The following THADA variants were observed in gnomAD, a reference collection of about 807,000 sequenced individuals.
THADA encodes the protein tRNA (32-2'-O)-methyltransferase regulator THADA.
A neutral mutation model predicts 219.8 loss-of-function variants in THADA; 213 were observed. That is an observed-to-expected ratio of 0.97 (90% confidence interval 0.87 to 1.09). THADA has a LOEUF of 1.09. Ranked by LOEUF, THADA falls within the 50% of genes least tolerant of loss-of-function variation. The probability of loss-of-function intolerance (pLI) is 0.00; values close to 1 mark genes in which losing one functional copy is unlikely to be tolerated. For missense variants in THADA, 2,956 were observed against 2,311.3 expected, an observed-to-expected ratio of 1.28 and a Z score of -5.72; for synonymous variants, 1,018 against 828.9, an observed-to-expected ratio of 1.23 and a Z score of -3.92.
intron 30 of THADA, chr2:43,343,853 G>A (rs548677472): frequency 5.9e-6 from 2 of 336,874 alleles, no homozygotes; most frequent in Non-Finnish European, 1.1e-5. Context: ...GACTGGGCAC[G>A]CAGCAGGTTT....
chr2:43,416,650 G>A (rs897007158), intron 28 of THADA, among the ~76,000 whole-genome samples: 3 of 152,124 alleles, frequency 2.0e-5, no homozygotes, highest in Non-Finnish European at 2.9e-5. Context: ...AAAAACCCCA[G>A]GGGACACATC....
chr2:43,358,824 A>C (rs1669162624), intron 29 of THADA, among the ~76,000 whole-genome samples: 2 of 152,204 alleles, frequency 1.3e-5, no homozygotes, highest in African/African-American at 4.8e-5. Flanking sequence ...TAGAAAAATA[A>C]AGATGGAATT....
intron 33 of THADA, 27 bp downstream of exon 33, chr2:43,292,077 G>T (rs374782110): frequency 1.3e-6 from 2 of 1,488,940 alleles, no homozygotes; most frequent in South Asian, 1.2e-5. Context: ...TCTTACCAAG[G>T]TTGCACAGGA....
intron 4 of THADA, among the ~76,000 whole-genome samples, chr2:43,587,212 C>T (rs1295312292): frequency 6.6e-6 from 1 of 152,096 alleles, no homozygotes; most frequent in Non-Finnish European, 1.5e-5. Context: ...TCCCATCTCC[C>T]AGATTATTCT....
intron 28 of THADA, among the ~76,000 whole-genome samples, chr2:43,410,657 G>A (rs188224327): frequency 1.1e-3 from 162 of 150,122 alleles, no homozygotes; most frequent in Admixed American, 2.1e-3. Context: ...GTATGAGTCC[G>A]TTTACTTAAA....
chr2:43,428,884 A>C (rs1165470332), intron 27 of THADA, among the ~76,000 whole-genome samples: 1 of 152,218 alleles, frequency 6.6e-6, no homozygotes, highest in Non-Finnish European at 1.5e-5. Context: ...AATGTATTTA[A>C]GAAAGCATGA....
intron 30 of THADA, among the ~76,000 whole-genome samples, chr2:43,327,466 G>A (rs1458930312): frequency 1.5e-5 from 2 of 136,860 alleles, no homozygotes; most frequent in African/African-American, 5.3e-5. Context: ...GGGAGTGGGG[G>A]GAGAAGTAAA....
intron 25 of THADA, among the ~76,000 whole-genome samples, chr2:43,486,946 C>T (rs1686987474): frequency 6.6e-6 from 1 of 152,200 alleles, no homozygotes; most frequent in Non-Finnish European, 1.5e-5. Flanking sequence ...CCAGAACTGA[C>T]TCAAGTCATG....
chr2:43,574,413 G>A lies in THADA; in HGVS notation c.1652C>T (p.Pro551Leu). Residue 551 changes from proline (P) to leucine (L), a missense_variant, in exon 11 of 38, where the codon CCA (proline) becomes CTA (leucine). Coordinates refer to ENST00000405975, the MANE Select transcript of THADA (RefSeq NM_022065.5). ...TTCAGGGCTGTAACTTAATAATTTT[G>A]GCAAGTAATAATCAATCACGTAAGA... is the stretch of plus-strand genomic sequence containing the variant. ...QKSYVIDYYL[P>L]KLLSYSPESL... 1 of 1,610,212 alleles carries A rather than the reference G, an allele frequency of 6.2e-7. No homozygotes were observed. The highest frequency in any genetic ancestry group is 8.5e-7 in the Non-Finnish European group (1 of 1,177,976).
At chr2:43,411,893 G>C (rs1676351825) in intron 28 of THADA, among the ~76,000 whole-genome samples, 1 of 152,146 alleles carries the variant, frequency 6.6e-6, no homozygotes, top group South Asian at 2.1e-4. Flanking sequence ...CCTGGATTGT[G>C]ACCAAGACTT....
At chr2:43,408,095 A>G (rs557683288) in intron 28 of THADA, among the ~76,000 whole-genome samples, 1 of 152,216 alleles carries the variant, frequency 6.6e-6, no homozygotes, top group African/African-American at 2.4e-5. Context: ...GCTTTATTCA[A>G]TATTATCTTT....
chr2:43,590,592 C>A (rs1226606305), intron 4 of THADA, among the ~76,000 whole-genome samples: 1 of 149,270 alleles, frequency 6.7e-6, no homozygotes, highest in Non-Finnish European at 1.5e-5. Flanking sequence ...TGACAGTGAG[C>A]CAAGATCGCA....
intron 30 of THADA, among the ~76,000 whole-genome samples, chr2:43,329,254 G>C (rs1195302894): frequency 1.3e-5 from 2 of 152,290 alleles, no homozygotes; most frequent in African/African-American, 4.8e-5. Context: ...TTTGGGGCTT[G>C]GAAGATATAT....
At chr2:43,290,800 G>C (rs572082221) in intron 34 of THADA, among the ~76,000 whole-genome samples, 3 of 151,796 alleles carry the variant, frequency 2.0e-5, no homozygotes, top group Admixed American at 6.6e-5. Flanking sequence ...GATTCTGTGA[G>C]GGTGCTATCT....
At position 43,286,744 on chromosome 2, in the gene THADA, C is replaced by T. The variant is rs143129609; in HGVS notation, c.5164+164G>A. ...CCGTCTCAAAAAAAAAGAGTGTGTT[C>T]GTGAAAATGATTAGAGCATGAACTA... On this transcript the variant is annotated intron_variant, in intron 35 of 37. Coordinates refer to ENST00000405975, the MANE Select transcript of THADA (RefSeq NM_022065.5). Among the ~76,000 whole-genome samples the T allele has an allele frequency of 3.2e-4, 49 of 151,996 alleles. 1 individual carries two copies. The East Asian group carries it at 7.0e-3, about 22-fold the overall frequency.
chr2:43,367,621 T>A (rs1488914651), intron 29 of THADA, among the ~76,000 whole-genome samples: 1 of 152,188 alleles, frequency 6.6e-6, no homozygotes, highest in East Asian at 1.9e-4. Context: ...TGATTTGAAA[T>A]ACCAAGGTCT....
chr2:43,456,545 ATTTTC>A (rs1351741866), intron 26 of THADA, among the ~76,000 whole-genome samples: 4 of 151,118 alleles, frequency 2.6e-5, no homozygotes, highest in Admixed American at 1.3e-4. Flanking sequence ...ATAATTTTAC[ATTTTC>A]TTTTCTTTTC....
rs574334709 is a variant in THADA at position 43,403,613 on chromosome 2, C to T, written c.4059-5474G>A. 8.5e-5 allele frequency among the ~76,000 whole-genome samples: 13 copies of T among 152,210 alleles called. No individual in the cohort carries two copies. The South Asian group carries it at 2.1e-3, about 24-fold the overall frequency. On this transcript the variant is annotated intron_variant, in intron 28 of 37. Transcript: ENST00000405975. Reference sequence around the variant, plus strand: ...CTACCTCATTAACATAATTAACATTCCCCCAGTTCCTCCCCATTTCCTGGC... The same window carrying T: ...CTACCTCATTAACATAATTAACATTTCCCCAGTTCCTCCCCATTTCCTGGC...
chr2:43,498,759 G>T, intron 25 of THADA, 74 bp downstream of exon 25: 1 of 1,432,326 alleles, frequency 7.0e-7, no homozygotes, highest in Non-Finnish European at 9.3e-7. Context: ...TTATCACCCA[G>T]TGAAAGATTA....
Sources: allele counts gnomAD v4.1 joint callset (sites outside exome capture counted in the v4.1 genomes callset), GRCh38; gene constraint gnomAD v4.1.1; transcripts MANE v1.5; gene names NCBI Gene and HGNC (gene_info 2026-07-23, HGNC 2026-07-21).